Variants in TFAP2A observed in about 807,000 individuals in gnomAD.
TFAP2A encodes transcription factor AP-2 alpha.
Under a neutral mutation model 41.5 loss-of-function variants are expected in TFAP2A, and 7 were observed. That is an observed-to-expected ratio of 0.17 (90% CI 0.10 to 0.32). The LOEUF is 0.32. Ranked by LOEUF, TFAP2A falls within the 10% of genes least tolerant of loss-of-function variation. TFAP2A has a pLI of 1.00. For synonymous variants in TFAP2A, 247 were observed against 242.8 expected (o/e 1.02, Z -0.16); for missense variants, 416 against 563.3 (o/e 0.74, Z 2.65).
At chr6:10,403,789 G>C (rs921315741) in intron 4 of TFAP2A, among the ~76,000 whole-genome samples, 3 of 152,134 alleles carry the variant, frequency 2.0e-5, no homozygotes, top group Admixed American at 1.3e-4. Flanking sequence ...CAGGGGTGAG[G>C]TAAGAATCCC....
At chr6:10,410,417 G>T in intron 1 of TFAP2A, 82 bp from the exon 2 acceptor site, 2 of 1,418,128 alleles carry the variant, frequency 1.4e-6, no homozygotes, top group Non-Finnish European at 9.7e-7. Flanking sequence ...CACTTGACAA[G>T]TCTGCGTGGG....
At chr6:10,411,590 C>T (rs1049239408) in intron 1 of TFAP2A, 1 of 1,613,942 alleles carries the variant, frequency 6.2e-7, no homozygotes, top group African/African-American at 1.3e-5. Context: ...AAACTGTGAA[C>T]TAACATCTGC....
chr6:10,416,038 G>T (rs867675699), upstream of TFAP2A: 4 of 152,222 alleles, frequency 2.6e-5, no homozygotes, highest in Admixed American at 6.5e-5. Flanking sequence ...TGGGTGCAAC[G>T]TGGACACGAA....
chr6:10,409,871 C>A, intron 2 of TFAP2A, 30 bp downstream of exon 2: 1 of 1,546,730 alleles, frequency 6.5e-7, no homozygotes. Flanking sequence ...GGGCTGTGTT[C>A]CCTCCCGCGC....
At chr6:10,411,509 C>T in intron 1 of TFAP2A, 1 of 1,612,724 alleles carries the variant, frequency 6.2e-7, no homozygotes, top group Non-Finnish European at 8.5e-7. Flanking sequence ...AGCTCCACGG[C>T]ACCAGGTTTC....
chr6:10,411,852 A>G (rs1408600175), intron 1 of TFAP2A: 34 of 1,380,502 alleles, frequency 2.5e-5, no homozygotes, highest in Non-Finnish European at 3.2e-5. Context: ...ACTGGTTATG[A>G]TTCAAAGTTC....
upstream of TFAP2A, chr6:10,416,571 C>T (rs1758252802): frequency 6.6e-6 from 1 of 152,216 alleles, no homozygotes; most frequent in African/African-American, 2.4e-5. Context: ...TCCTTAACTA[C>T]ACTAGGTCCC....
chr6:10,413,312 T>G (rs1025820585), intron 1 of TFAP2A, among the ~76,000 whole-genome samples: 2 of 152,148 alleles, frequency 1.3e-5, no homozygotes, highest in African/African-American at 4.8e-5. Context: ...CATTCACACT[T>G]GCCCCCACAG....
At chr6:10,407,481 G>A (rs911114732) in intron 2 of TFAP2A, 1 of 151,234 alleles carries the variant, frequency 6.6e-6, no homozygotes, top group African/African-American at 2.4e-5. Context: ...TTAGTGTGGG[G>A]TGTTTTTCTT....
chr6:10,400,267 C>T (rs1457387860), intron 6 of TFAP2A, among the ~76,000 whole-genome samples, 181 bp downstream of exon 6: 1 of 150,232 alleles, frequency 6.7e-6, no homozygotes, highest in Non-Finnish European at 1.5e-5. Context: ...AAGATGGGAG[C>T]GCCCAAGAAT....
At chr6:10,411,214 G>A (rs1242888496) in intron 1 of TFAP2A, among the ~76,000 whole-genome samples, 1 of 152,160 alleles carries the variant, frequency 6.6e-6, no homozygotes, top group African/African-American at 2.4e-5. Flanking sequence ...GGCACACCGC[G>A]CTGCACTTTT....
intron 6 of TFAP2A, among the ~76,000 whole-genome samples, chr6:10,399,239 C>T (rs980600451): frequency 2.6e-5 from 4 of 152,150 alleles, no homozygotes; most frequent in African/African-American, 9.7e-5. Context: ...AGAGACAAAA[C>T]TTTACTTGGG....
At chr6:10,400,308 A>G (rs1761959967) in intron 6 of TFAP2A, 140 bp downstream of exon 6, 2 of 1,005,738 alleles carry the variant, frequency 2.0e-6, no homozygotes, top group South Asian at 1.3e-5. Context: ...AACATAGACT[A>G]TATATAAGAT....
intron 2 of TFAP2A, among the ~76,000 whole-genome samples, chr6:10,408,256 A>T (rs1422262381): frequency 6.6e-6 from 1 of 152,166 alleles, no homozygotes; most frequent in African/African-American, 2.4e-5. Flanking sequence ...TTCTTAAAAG[A>T]TGGGGGAGGG....
Position 10,406,852 on chromosome 6 carries a change from A to AAAAAG in TFAP2A, c.487-9_487-8insCTTTT. 1 of 1,608,362 alleles carries AAAAAG rather than the reference A, an allele frequency of 6.2e-7. No individual in the cohort carries two copies. Among genetic ancestry groups the AAAAAG allele is most frequent in the South Asian group, 1.1e-5 (1 of 90,986 alleles). On this transcript the variant is annotated splice_polypyrimidine_tract_variant and intron_variant, in intron 2 of 6. Coordinates refer to ENST00000379613, the MANE Select transcript of TFAP2A (RefSeq NM_001372066.1). Reference sequence around the variant, plus strand: ...ACCCGGGTCTTCTACATGCTGCAACAAAAGGATACACATGGATGTAAGTGT... The same window carrying AAAAAG: ...ACCCGGGTCTTCTACATGCTGCAACAAAAAGAAAGGATACACATGGATGTAAGTGT...
At chr6:10,414,813 G>T in intron 1 of TFAP2A, 128 bp downstream of exon 1, 2 of 1,265,316 alleles carry the variant, frequency 1.6e-6, no homozygotes, top group Non-Finnish European at 1.1e-6. Context: ...TCCGAGGGAC[G>T]GGCGCTGCGC....
intron 1 of TFAP2A, chr6:10,411,734 C>G: frequency 6.6e-7 from 1 of 1,517,378 alleles, no homozygotes; most frequent in Non-Finnish European, 8.8e-7. Flanking sequence ...AGTCACGGCG[C>G]CGACGCTCCC....
At chr6:10,411,900 A>G in intron 1 of TFAP2A, 3 of 1,265,338 alleles carry the variant, frequency 2.4e-6, no homozygotes, top group Non-Finnish European at 3.0e-6. Flanking sequence ...AAAAAGGAAA[A>G]AGTATGTGTG....
At chr6:10,419,272 G>A, upstream of TFAP2A, 1 of 920,678 alleles carries the variant, frequency 1.1e-6, no homozygotes. Context: ...TGTCTCCTGG[G>A]AGCTCTCCTG....
Sources: allele counts gnomAD v4.1 joint callset (sites outside exome capture counted in the v4.1 genomes callset), GRCh38; gene constraint gnomAD v4.1.1; transcripts MANE v1.5; gene names NCBI Gene and HGNC (gene_info 2026-07-23, HGNC 2026-07-21).